The following RGPD3 variants were observed in gnomAD, a reference collection of about 807,000 sequenced individuals.
RGPD3 encodes the protein ranBP2-like and GRIP domain-containing protein 3.
Under a neutral mutation model 154.5 loss-of-function variants are expected in RGPD3, and 62 were observed. The observed-to-expected ratio is 0.40, with a 90% CI of 0.33 to 0.50. The LOEUF is 0.50. Among genes scored for constraint, RGPD3 ranks in the 20% least tolerant of loss-of-function variants. The probability of loss-of-function intolerance (pLI) is 0.59; values close to 1 mark genes in which losing one functional copy is unlikely to be tolerated. For synonymous variants in RGPD3, 308 were observed against 607.0 expected, an observed-to-expected ratio of 0.51 and a Z score of 7.24; for missense variants, 919 against 1,716.8, an observed-to-expected ratio of 0.54 and a Z score of 8.21.
At position 106,405,164 on chromosome 2, in the gene RGPD3, G is replaced by C; in HGVS notation, c.*55C>G. ...AAAACATTCCTTCCATCAACCTATCGAAGTCCAAACCAACTACGAAGATAG... is the reference window on the plus strand; with the variant it reads ...AAAACATTCCTTCCATCAACCTATCCAAGTCCAAACCAACTACGAAGATAG... On this transcript the variant is annotated 3_prime_UTR_variant, in exon 23 of 23. Transcript: ENST00000409886. 3.1e-6 allele frequency: 5 copies of C among 1,604,132 alleles called. No homozygotes were observed. Among genetic ancestry groups the C allele is most frequent in the Non-Finnish European group, 4.3e-6 (5 of 1,175,770 alleles).
At chr2:106,426,873 A>G (rs1293850527) in intron 18 of RGPD3, among the ~76,000 whole-genome samples, 2 of 152,090 alleles carry the variant, frequency 1.3e-5, no homozygotes, top group African/African-American at 2.4e-5. Flanking sequence ...AAAAATCAAG[A>G]CCTAGAAAAG....
chr2:106,449,380 C>T (rs1371139492), intron 6 of RGPD3, among the ~76,000 whole-genome samples: 3 of 140,412 alleles, frequency 2.1e-5, no homozygotes, highest in Admixed American at 1.5e-4. Context: ...GCAGGAGAAT[C>T]GCTTGAACCT....
At chr2:106,461,579 G>A (rs2104518550) in intron 1 of RGPD3, among the ~76,000 whole-genome samples, 2 of 151,198 alleles carry the variant, frequency 1.3e-5, no homozygotes, top group South Asian at 4.2e-4. Flanking sequence ...TTGGACCACG[G>A]GTGACGCAGG....
At chr2:106,458,085 AAAC>A (rs1278003859) in intron 2 of RGPD3, among the ~76,000 whole-genome samples, 1 of 120,890 alleles carries the variant, frequency 8.3e-6, no homozygotes, top group Non-Finnish European at 1.7e-5. Context: ...ACAATTTCCC[AAAC>A]AACAAAGGGA....
intron 2 of RGPD3, among the ~76,000 whole-genome samples, chr2:106,458,944 T>C (rs1442725217): frequency 7.3e-6 from 1 of 136,420 alleles, no homozygotes; most frequent in Admixed American, 8.4e-5. Context: ...GATTAAGGTA[T>C]CAGATATCTA....
chr2:106,462,119 A>G (rs896127558), intron 1 of RGPD3, among the ~76,000 whole-genome samples: 2 of 152,148 alleles, frequency 1.3e-5, no homozygotes, highest in Non-Finnish European at 2.9e-5. Context: ...TCGACCTTGT[A>G]ATCTGACTTC....
At chr2:106,422,901 A>G in intron 20 of RGPD3, 142 bp downstream of exon 20, 1 of 1,560,826 alleles carries the variant, frequency 6.4e-7, no homozygotes, top group Non-Finnish European at 8.6e-7. Flanking sequence ...TTATTAAGGG[A>G]GAAAAAAATT....
chr2:106,430,218 G>T (rs1242437657), intron 17 of RGPD3, among the ~76,000 whole-genome samples: 1 of 151,360 alleles, frequency 6.6e-6, no homozygotes, highest in Non-Finnish European at 1.5e-5. Context: ...ATTTGCCAAT[G>T]AGTTCTAGGT....
At chr2:106,427,058 A>C (rs1486847139) in intron 18 of RGPD3, among the ~76,000 whole-genome samples, 1 of 151,520 alleles carries the variant, frequency 6.6e-6, no homozygotes, top group African/African-American at 2.4e-5. Context: ...AGAAAAAATA[A>C]AATATTAAAT....
At chr2:106,469,771 C>G (rs1159919489), upstream of RGPD3, among the ~76,000 whole-genome samples, 1 of 152,196 alleles carries the variant, frequency 6.6e-6, no homozygotes, top group African/African-American at 2.4e-5. Context: ...CACACATATA[C>G]TGCCCTAGCT....
intron 1 of RGPD3, among the ~76,000 whole-genome samples, chr2:106,464,204 G>A (rs921438899): frequency 2.6e-5 from 4 of 152,040 alleles, no homozygotes; most frequent in Middle Eastern, 3.4e-3. Context: ...AAATTAGCCG[G>A]GTGTTGTGGC....
In RGPD3 at chr2:106,405,077, G is replaced by A; in HGVS notation, c.*142C>T. ...AAATGCAAACATATACACACTTTTT[G>A]ACAAAAGAATGATGGTAATACACAT... On this transcript the variant is annotated 3_prime_UTR_variant, in exon 23 of 23. Coordinates refer to ENST00000409886, the MANE Select transcript of RGPD3 (RefSeq NM_001144013.2). 1 of 971,174 alleles carries A rather than the reference G, an allele frequency of 1.0e-6. No individual in the cohort carries two copies. The allele number at this position is 971,174 out of a possible 1,614,324, so 60.2% of individuals were successfully genotyped here.
In RGPD3 at chr2:106,413,160, C is replaced by T. The variant is rs745752240; in HGVS notation, c.5190G>A (p.Glu1730=). Residue 1730 remains glutamate (E), a synonymous_variant, in exon 22 of 23, where the codon GAG becomes GAA. Transcript: ENST00000409886. ...TCGTATTTATAACAGGAAGAAGTCT[C>T]TCTCTTTCACTACCTGGCTTCAAGA... The part of the protein sequence containing the change: ...FIFLKPGSER[E]RLLPVINTML... 76 of 1,611,810 alleles carry T rather than the reference C, an allele frequency of 4.7e-5. 1 individual carries two copies. In the South Asian group the frequency reaches 8.2e-4, roughly 17 times the overall value.
intron 1 of RGPD3, among the ~76,000 whole-genome samples, chr2:106,467,721 CCGCCTCAACAGAGCGCGCCAG>C (rs1678674025): frequency 1.5e-5 from 2 of 129,680 alleles, no homozygotes; most frequent in East Asian, 2.3e-4. Flanking sequence ...GTCGAGGCCG[CCGCCTCAACAGAGCGCGCCAG>C]GGAGCAGCGC....
chr2:106,464,581 T>A (rs868724390), intron 1 of RGPD3, among the ~76,000 whole-genome samples: 39 of 146,236 alleles, frequency 2.7e-4, no homozygotes, highest in African/African-American at 3.4e-4. Context: ...CTAAAAAAAA[T>A]ATAAATAAAA....
chr2:106,407,257 T>G (rs1180517204), intron 22 of RGPD3, among the ~76,000 whole-genome samples: 1 of 152,180 alleles, frequency 6.6e-6, no homozygotes, highest in African/African-American at 2.4e-5. Flanking sequence ...GCTAGCAAGA[T>G]AGAAGCCACA....
intron 22 of RGPD3, chr2:106,412,749 A>G (rs533729602): frequency 8.9e-5 from 44 of 494,898 alleles, no homozygotes; most frequent in Non-Finnish European, 1.6e-4. Context: ...GGAACAAGCT[A>G]ATAAATGTTT....
chr2:106,420,679 G>A (rs1269446739), intron 20 of RGPD3, among the ~76,000 whole-genome samples: 11 of 151,632 alleles, frequency 7.3e-5, no homozygotes, highest in African/African-American at 2.4e-4. Flanking sequence ...TGGACATAAT[G>A]AGTTAAATCA....
intron 9 of RGPD3, among the ~76,000 whole-genome samples, chr2:106,438,380 C>T (rs1331136997): frequency 4.0e-5 from 6 of 150,910 alleles, no homozygotes; most frequent in Admixed American, 3.3e-4. Context: ...ACCAGCTACT[C>T]AGGAGGCTGA....
Sources: gnomAD v4.1 joint callset for allele counts (sites outside exome capture counted in the v4.1 genomes callset) on GRCh38, gnomAD v4.1.1 for gene constraint, MANE v1.5 for transcripts, NCBI Gene and HGNC (gene_info 2026-07-23, HGNC 2026-07-21) for gene names.